RHAG: variants seen among roughly 807,000 people sequenced by gnomAD.
RHAG encodes ammonium transporter Rh type A.
RHAG carries 25 observed loss-of-function variants against 42.4 expected under a neutral mutation model. That is an observed-to-expected ratio of 0.59 (90% CI 0.43 to 0.82). The LOEUF is 0.82. RHAG is among the 40% of genes least tolerant of loss of function. The pLI is 0.00. For synonymous variants in RHAG, 182 were observed against 177.7 expected (o/e 1.02, Z -0.19); for missense variants, 483 against 504.6 (o/e 0.96, Z 0.41).
chr6:49,614,952 AT>A, intron 4 of RHAG, 99 bp from the exon 5 acceptor site: 1 of 1,156,788 alleles, frequency 8.6e-7, no homozygotes, highest in Non-Finnish European at 1.2e-6. Context: ...TTATTTGTTT[AT>A]TTATTTATTT....
At chr6:49,626,735 C>T (rs1762850646) in intron 1 of RHAG, among the ~76,000 whole-genome samples, 1 of 152,222 alleles carries the variant, frequency 6.6e-6, no homozygotes, top group African/African-American at 2.4e-5. Context: ...TTCTCCATGA[C>T]AGCTCTTCCC....
At chr6:49,609,339 G>C (rs1762529180) in intron 7 of RHAG, among the ~76,000 whole-genome samples, 1 of 152,060 alleles carries the variant, frequency 6.6e-6, no homozygotes, top group Non-Finnish European at 1.5e-5. Flanking sequence ...ACCAATGTCT[G>C]ACCTCCCAGT....
At chr6:49,628,023 C>T (rs1026677932) in intron 1 of RHAG, among the ~76,000 whole-genome samples, 1 of 152,010 alleles carries the variant, frequency 6.6e-6, no homozygotes, top group African/African-American at 2.4e-5. Context: ...CCAAAAGAAA[C>T]AAAATGAAAC....
In RHAG at chr6:49,618,168, G is replaced by C. The variant is rs776533076; in HGVS notation, c.392C>G (p.Ala131Gly). The change falls in exon 3 of 10, where the codon GCT (alanine) becomes GGT (glycine). Residue 131 changes from alanine (A) to glycine (G), a missense_variant. Physicochemically the swap from Ala to Gly is moderately conservative, Grantham distance 60. Coordinates refer to ENST00000371175, the MANE Select transcript of RHAG (RefSeq NM_000324.3). ...SAATVLISFG[A>G]VLGKTSPTQM... ...GGTGGGGCTCGTTTTTCCCAGGACA[G>C]CTCCAAAAGATATCAGAACTGTGGC... The C allele has an allele frequency of 5.6e-6, 9 of 1,614,108 alleles. No individual in the cohort carries two copies. Among genetic ancestry groups the C allele is most frequent in the Non-Finnish European group, 7.6e-6 (9 of 1,180,000 alleles).
At position 49,612,455 on chromosome 6, in the gene RHAG, G is replaced by C. The variant is rs1366319885; in HGVS notation, c.887C>G (p.Ser296Cys). 3 of 1,613,832 alleles carry C rather than the reference G, an allele frequency of 1.9e-6. No homozygotes were observed. Among genetic ancestry groups the C allele is most frequent in the Non-Finnish European group, 2.5e-6 (3 of 1,179,894 alleles). The change falls in exon 6 of 10, where the codon TCT (serine) becomes TGT (cysteine). Residue 296 changes from serine (S) to cysteine (C), a missense_variant. Ser to Cys is a moderately radical substitution (Grantham distance 112). Transcript: ENST00000371175. ...CADMAIHPFG[S>C]MIIGSIAGMV... is the part of the protein sequence containing the mutation. ...TCCTGCAATGCTCCCAATAATCATA[G>C]AACCAAATGGGTGAATTGCCATATC... is the stretch of plus-strand genomic sequence containing the variant.
Position 49,611,032 on chromosome 6 carries a change from G to A in RHAG, c.1059C>T (p.Ala353=). The A allele has an allele frequency of 1.4e-5, 23 of 1,613,830 alleles. No homozygotes were observed. The highest frequency in any genetic ancestry group is 1.9e-5 in the Non-Finnish European group (23 of 1,179,816). ...CCCATTCTTTTACTCACGTGTTGGA[G>A]GCGCCCATTGCTACTGCCACAATGC... ...LAGIVAVAMG[A]SNTSMAMQAA... Residue 353 remains alanine, a synonymous_variant, in exon 7 of 10, where the codon GCC becomes GCT. Coordinates refer to ENST00000371175, the MANE Select transcript of RHAG (RefSeq NM_000324.3).
chr6:49,615,693 G>C lies in RHAG; in HGVS notation c.571C>G (p.Arg191Gly). ...TCATGCCCCTTTCTCAGTCCAGATCGATACAAGATGCCTGCTACAGCCAAG... is the reference window on the plus strand; with the variant it reads ...TCATGCCCCTTTCTCAGTCCAGATCCATACAAGATGCCTGCTACAGCCAAG... ...FGLAVAGILY[R>G]SGLRKGHENE... The change falls in exon 4 of 10, where the codon CGA (arginine) becomes GGA (glycine). Residue 191 changes from arginine (R) to glycine (G), a missense_variant. By Grantham distance (125) the Arg-to-Gly change is moderately radical (BLOSUM62 -2). Transcript: ENST00000371175. 1 of 1,614,004 alleles carries C rather than the reference G, an allele frequency of 6.2e-7. No homozygotes were observed. Among genetic ancestry groups the C allele is most frequent in the Non-Finnish European group, 8.5e-7 (1 of 1,179,966 alleles).
intron 3 of RHAG, among the ~76,000 whole-genome samples, chr6:49,617,414 T>C (rs190062392): frequency 1.0e-3 from 152 of 152,352 alleles, no homozygotes; most frequent in Non-Finnish European, 2.0e-3. Flanking sequence ...TGTAATTCTT[T>C]ATTTGGTTTC....
At chr6:49,611,835 G>C (rs1264570983) in intron 6 of RHAG, among the ~76,000 whole-genome samples, 1 of 151,174 alleles carries the variant, frequency 6.6e-6, no homozygotes, top group Non-Finnish European at 1.5e-5. Context: ...TCCACCTCCC[G>C]GGTTCAAGTG....
intron 7 of RHAG, 128 bp from the exon 8 acceptor site, chr6:49,607,348 G>A (rs535309354): frequency 1.3e-6 from 1 of 743,552 alleles, no homozygotes; most frequent in Non-Finnish European, 2.4e-6. Flanking sequence ...AGCAAATTAA[G>A]CATTTGTTAC....
chr6:49,629,724 C>T (rs911589614), intron 1 of RHAG, among the ~76,000 whole-genome samples: 1 of 152,232 alleles, frequency 6.6e-6, no homozygotes, highest in Non-Finnish European at 1.5e-5. Flanking sequence ...CGTGAGAAAT[C>T]GAGCGCAGCG....
chr6:49,617,430 C>T (rs1458414618), intron 3 of RHAG, among the ~76,000 whole-genome samples: 1 of 152,156 alleles, frequency 6.6e-6, no homozygotes, highest in South Asian at 2.1e-4. Flanking sequence ...GTTTCTGTCT[C>T]TCCCACTAGA....
At chr6:49,615,215 G>A (rs1186419289) in intron 4 of RHAG, 1 of 295,280 alleles carries the variant, frequency 3.4e-6, no homozygotes, top group African/African-American at 2.2e-5. Flanking sequence ...CTCCCAAAGT[G>A]CTGGGATTAC....
chr6:49,613,722 T>C (rs1581939483), intron 5 of RHAG, among the ~76,000 whole-genome samples: 1 of 152,296 alleles, frequency 6.6e-6, no homozygotes, highest in Non-Finnish European at 1.5e-5. Flanking sequence ...TAAAAAATAT[T>C]TTATTTTGAA....
Position 49,628,135 on chromosome 6 carries a change from GACAC to G in RHAG, c.157+8517_157+8520del, listed in dbSNP as rs57969448. Among the ~76,000 whole-genome samples, 793 of 135,916 alleles carry G rather than the reference GACAC, an allele frequency of 5.8e-3. 6 individuals carry two copies. Among genetic ancestry groups the G allele is most frequent in the African/African-American group, 0.02 (707 of 36,148 alleles). 89.2% of individuals were successfully genotyped at this position (135,916 alleles called of 152,430 possible). A position where few individuals can be genotyped will look rare whatever the true frequency, so the allele number is the denominator to read the frequency against. ...CACACCCAACACTTTGTGTGTGTGA[GACAC>G]ACACACACACACACACACACACAGA... On this transcript the variant is annotated intron_variant, in intron 1 of 9. Transcript: ENST00000371175.
At chr6:49,606,398 T>G (rs947323359) in intron 9 of RHAG, among the ~76,000 whole-genome samples, 5 of 152,116 alleles carry the variant, frequency 3.3e-5, no homozygotes, top group African/African-American at 9.7e-5. Context: ...TGAAACAACA[T>G]TTACTAACTA....
chr6:49,632,660 C>T (rs1378635364), intron 1 of RHAG, among the ~76,000 whole-genome samples: 1 of 152,036 alleles, frequency 6.6e-6, no homozygotes, highest in Non-Finnish European at 1.5e-5. Context: ...ATGAGCCAAT[C>T]AAAGTACAGG....
chr6:49,635,305 T>A (rs543236323), intron 1 of RHAG, among the ~76,000 whole-genome samples: 1 of 152,212 alleles, frequency 6.6e-6, no homozygotes, highest in Admixed American at 6.6e-5. Context: ...ATTTAAATCA[T>A]ATTAATCTTA....
intron 1 of RHAG, among the ~76,000 whole-genome samples, chr6:49,628,579 T>A (rs542344069): frequency 6.6e-6 from 1 of 152,054 alleles, no homozygotes; most frequent in Admixed American, 6.6e-5. Flanking sequence ...GGGTTCGTGG[T>A]CTCCCTGGCT....
Sources: allele counts gnomAD v4.1 joint callset (sites outside exome capture counted in the v4.1 genomes callset), GRCh38; gene constraint gnomAD v4.1.1; transcripts MANE v1.5; gene names NCBI Gene and HGNC (gene_info 2026-07-23, HGNC 2026-07-21).